The following NIPAL4 variants were observed in gnomAD, a reference collection of about 807,000 sequenced individuals.
NIPAL4 encodes magnesium transporter NIPA4.
Under a neutral mutation model 31.6 loss-of-function variants are expected in NIPAL4, and 21 were observed. The observed-to-expected ratio is 0.67, with a 90% confidence interval of 0.47 to 0.96. NIPAL4 has a LOEUF of 0.96. Among genes scored for constraint, NIPAL4 ranks in the 40% least tolerant of loss-of-function variants. The pLI is 0.00. For missense variants in NIPAL4, 438 were observed against 508.0 expected, an observed-to-expected ratio of 0.86 and a Z score of 1.32; for synonymous variants, 175 against 211.1, an observed-to-expected ratio of 0.83 and a Z score of 1.48.
chr5:157,474,545 C>G lies in NIPAL4; in HGVS notation c.*1585C>G, dbSNP rs1161757467. Reference sequence around the variant, plus strand: ...CTTGGAACTCCAAGGTTTGGCTGACCAGCAGACTGGCTCCCTGACTCTTCA... The same window carrying G: ...CTTGGAACTCCAAGGTTTGGCTGACGAGCAGACTGGCTCCCTGACTCTTCA... On this transcript the variant is annotated 3_prime_UTR_variant, in exon 6 of 6. Transcript: ENST00000311946. The G allele has an allele frequency of 1.3e-5, 2 of 152,174 alleles. No homozygotes were observed. Among genetic ancestry groups the G allele is most frequent in the Non-Finnish European group, 2.9e-5 (2 of 68,034 alleles). 9.4% of individuals were successfully genotyped at this position (152,174 alleles called of 1,614,324 possible). A position where few individuals can be genotyped will look rare whatever the true frequency, so the allele number is the denominator to read the frequency against.
intron 1 of NIPAL4, among the ~76,000 whole-genome samples, chr5:157,462,491 C>CA (rs886530644): frequency 1.1e-4 from 16 of 151,994 alleles, no homozygotes; most frequent in Non-Finnish European, 2.1e-4. Context: ...CATCTCTACA[C>CA]AAAAAAACAA....
intron 4 of NIPAL4, 86 bp from the exon 5 acceptor site, chr5:157,471,571 G>A: frequency 9.5e-7 from 1 of 1,055,754 alleles, no homozygotes. Context: ...GTTGTTCTCT[G>A]TGAGTGCTTG....
chr5:157,464,681 G>A (rs373453944), intron 2 of NIPAL4, among the ~76,000 whole-genome samples: 1 of 152,160 alleles, frequency 6.6e-6, no homozygotes, highest in Non-Finnish European at 1.5e-5. Flanking sequence ...GGTGATGAAA[G>A]TGCTATTTCT....
chr5:157,471,863 C>T, intron 5 of NIPAL4, 46 bp downstream of exon 5: 7 of 1,451,004 alleles, frequency 4.8e-6, no homozygotes, highest in Non-Finnish European at 6.6e-6. Flanking sequence ...GGAGGTTGAA[C>T]ACCCCCTACT....
chr5:157,465,707 C>T (rs1214451677), intron 2 of NIPAL4, among the ~76,000 whole-genome samples: 4 of 152,118 alleles, frequency 2.6e-5, no homozygotes, highest in Non-Finnish European at 5.9e-5. Flanking sequence ...ATGAGAGAAC[C>T]CCAGCTGGGC....
In NIPAL4 at chr5:157,463,231, G is replaced by A. The variant is rs370726117; in HGVS notation, c.175G>A (p.Gly59Ser). 2.5e-5 allele frequency: 41 copies of A among 1,613,934 alleles called. No individual in the cohort carries two copies. Among genetic ancestry groups the A allele is most frequent in the South Asian group, 1.9e-4 (17 of 91,072 alleles). ...CAGGCAGAACTATGGCTTCTACATCGGCCTGGGCCTGGCATTCCTGTCTAG... is the reference window on the plus strand; with the variant it reads ...CAGGCAGAACTATGGCTTCTACATCAGCCTGGGCCTGGCATTCCTGTCTAG... ...RIRQNYGFYI[G>S]LGLAFLSSFL... The change falls in exon 2 of 6, where the codon GGC becomes AGC. Residue 59 changes from glycine to serine, a missense_variant. Physicochemically the swap from Gly to Ser is moderately conservative, Grantham distance 56. Transcript: ENST00000311946.
chr5:157,460,520 G>A lies in NIPAL4; in HGVS notation c.37+163G>A, dbSNP rs974795550. ...ACCCAGCTTTGAAGATCTGGGTTCT[G>A]GCTGAGACTTCACTTTCATCTTCGC... On this transcript the variant is annotated intron_variant, in intron 1 of 5. Transcript: ENST00000311946. 1.2e-5 allele frequency: 9 copies of A among 748,032 alleles called. No homozygotes were observed. The East Asian group carries it at 1.6e-4, about 13-fold the overall frequency. The allele number at this position is 748,032 out of a possible 1,614,324, so 46.3% of individuals were successfully genotyped here.
At chr5:157,469,856 G>A (rs956181836) in intron 4 of NIPAL4, among the ~76,000 whole-genome samples, 4 of 152,106 alleles carry the variant, frequency 2.6e-5, no homozygotes, top group Non-Finnish European at 5.9e-5. Context: ...TGTACAACTC[G>A]CCTGATTCAT....
At chr5:157,461,880 C>T (rs1457833027) in intron 1 of NIPAL4, among the ~76,000 whole-genome samples, 2 of 152,208 alleles carry the variant, frequency 1.3e-5, no homozygotes, top group African/African-American at 2.4e-5. Context: ...CTCTGTTATT[C>T]ATGGGTCTGT....
chr5:157,469,029 G>C (rs1039058681), intron 4 of NIPAL4, among the ~76,000 whole-genome samples: 2 of 152,174 alleles, frequency 1.3e-5, no homozygotes, highest in Non-Finnish European at 2.9e-5. Context: ...AGAGAGGCAG[G>C]CCAAGCCCAA....
intron 5 of NIPAL4, among the ~76,000 whole-genome samples, chr5:157,472,125 C>T (rs1754457386): frequency 1.3e-5 from 2 of 152,126 alleles, no homozygotes; most frequent in Admixed American, 6.6e-5. Flanking sequence ...ATTGTTGGTC[C>T]TCTTTTACAA....
Position 157,460,349 on chromosome 5 carries a change from G to C in NIPAL4, c.29G>C (p.Cys10Ser). Residue 10 changes from cysteine to serine, a missense_variant, in exon 1 of 6, where the codon TGC (cysteine) becomes TCC (serine). Transcript: ENST00000311946. ...GAGCTGCGGGTCAGCAACACCAGCT[G>C]CGAGAACGGTGCGTACGGCAGGGCT... MELRVSNTS[C>S]ENGSLLHLYC... The C allele has an allele frequency of 1.3e-6, 2 of 1,546,632 alleles. No homozygotes were observed. Among genetic ancestry groups the C allele is most frequent in the Non-Finnish European group, 1.7e-6 (2 of 1,146,132 alleles).
In NIPAL4 at chr5:157,461,239, G is replaced by A. The variant is rs560284815; in HGVS notation, c.37+882G>A. 5.9e-5 allele frequency among the ~76,000 whole-genome samples: 9 copies of A among 152,324 alleles called. 1 individual carries two copies. The highest frequency in any genetic ancestry group is 8.8e-5 in the Non-Finnish European group (6 of 68,036). Reference sequence around the variant, plus strand: ...CCTCACCTTTTCTCTAGGCCAGAATGTGTTCCCCAGTCCTAGCATATTCTG... The same window carrying A: ...CCTCACCTTTTCTCTAGGCCAGAATATGTTCCCCAGTCCTAGCATATTCTG... On this transcript the variant is annotated intron_variant, in intron 1 of 5. Transcript: ENST00000311946.
chr5:157,463,509 T>C (rs1754168494), intron 2 of NIPAL4, among the ~76,000 whole-genome samples, 176 bp downstream of exon 2: 1 of 152,182 alleles, frequency 6.6e-6, no homozygotes, highest in African/African-American at 2.4e-5. Context: ...AGGCCTCCAA[T>C]AGGAGGTCTC....
rs886060343 is a variant in NIPAL4, at chr5:157,473,527, A to AAGACC, written c.*568_*572dup. The AAGACC allele has an allele frequency of 1.3e-5, 2 of 152,316 alleles. No individual in the cohort carries two copies. The highest frequency in any genetic ancestry group is 2.9e-5 in the Non-Finnish European group (2 of 68,114). The allele number at this position is 152,316 out of a possible 1,614,324, so 9.4% of individuals were successfully genotyped here. ...TCACTTCCTCTTTGGAGGCAGAAGC[A>AAGACC]AGACCTCAGCTGACCTTCTTACTGT... On this transcript the variant is annotated 3_prime_UTR_variant, in exon 6 of 6. Transcript: ENST00000311946.
chr5:157,472,611 T>G lies in NIPAL4; in HGVS notation c.866T>G (p.Phe289Cys). 1 of 1,613,950 alleles carries G rather than the reference T, an allele frequency of 6.2e-7. No homozygotes were observed. Among genetic ancestry groups the G allele is most frequent in the Non-Finnish European group, 8.5e-7 (1 of 1,179,886 alleles). The part of the protein sequence containing the change: ...VNFLNRALDI[F>C]NTSLVFPIYY... ...TTCCTCAACAGAGCACTGGACATTTTCAACACTTCCCTGGTGTTCCCCATC... is the reference window on the plus strand; with the variant it reads ...TTCCTCAACAGAGCACTGGACATTTGCAACACTTCCCTGGTGTTCCCCATC... Residue 289 changes from phenylalanine (F) to cysteine (C), a missense_variant, in exon 6 of 6, where the codon TTC becomes TGC. By Grantham distance (205) the Phe-to-Cys change is radical (BLOSUM62 -2). Coordinates refer to ENST00000311946, the MANE Select transcript of NIPAL4 (RefSeq NM_001099287.2).
chr5:157,467,452 C>G (rs567158358), intron 3 of NIPAL4: 1 of 296,484 alleles, frequency 3.4e-6, no homozygotes, highest in East Asian at 7.8e-5. Flanking sequence ...CCAACTTCCC[C>G]CAGTCCGCAG....
At chr5:157,464,938 T>G (rs1013727395) in intron 2 of NIPAL4, among the ~76,000 whole-genome samples, 10 of 152,154 alleles carry the variant, frequency 6.6e-5, no homozygotes, top group African/African-American at 2.4e-4. Flanking sequence ...TATAAGAAAA[T>G]GCAACATAGT....
intron 4 of NIPAL4, among the ~76,000 whole-genome samples, chr5:157,470,309 C>G (rs1393819265): frequency 6.6e-6 from 1 of 152,088 alleles, no homozygotes; most frequent in East Asian, 1.9e-4. Flanking sequence ...AATCATGTCA[C>G]CACGGTGCAG....
Sources: gnomAD v4.1 joint callset for allele counts (sites outside exome capture counted in the v4.1 genomes callset) on GRCh38, gnomAD v4.1.1 for gene constraint, MANE v1.5 for transcripts, NCBI Gene and HGNC (gene_info 2026-07-23, HGNC 2026-07-21) for gene names.